RPL3: variants seen among roughly 807,000 people sequenced by gnomAD.
RPL3 encodes the protein ribosomal protein L3.
Under a neutral mutation model 46.0 loss-of-function variants are expected in RPL3, and 3 were observed. The observed-to-expected ratio is 0.07, with a 90% CI of 0.03 to 0.17. The LOEUF is 0.17. Among genes scored for constraint, RPL3 ranks in the 10% least tolerant of loss-of-function variants. The pLI is 1.00. For synonymous variants in RPL3, 224 were observed against 190.8 expected, an observed-to-expected ratio of 1.17 and a Z score of -1.43; for missense variants, 387 against 532.7, an observed-to-expected ratio of 0.73 and a Z score of 2.69.
rs1305900113 is a variant in RPL3 at position 39,314,217 on chromosome 22, A to C, written c.850-9T>G. 6.2e-7 allele frequency: 1 copy of C among 1,611,916 alleles called. No homozygotes were observed. Among genetic ancestry groups the C allele is most frequent in the African/African-American group, 1.3e-5 (1 of 74,844 alleles). ...TGGCCAATCTTATAAATCTGAATGA[A>C]CAAGAAGGGTGTAAGGCTGGGGCAT... On this transcript the variant is annotated splice_polypyrimidine_tract_variant and intron_variant, in intron 6 of 9. Transcript: ENST00000216146.
At position 39,317,834 on chromosome 22, in the gene RPL3, A is replaced by G. The variant is rs558026951; in HGVS notation, c.197-205T>C. On this transcript the variant is annotated intron_variant, in intron 2 of 9. Coordinates refer to ENST00000216146, the MANE Select transcript of RPL3 (RefSeq NM_000967.4). ...CAAACAAAAAATATCAGGACCCTAG[A>G]CAGCCAAATACCTGTCCAGCTTCAA... The G allele has an allele frequency of 8.9e-5, 50 of 561,980 alleles. No homozygotes were observed. In the East Asian group the frequency reaches 1.3e-3, roughly 14 times the overall value. The allele number at this position is 561,980 out of a possible 1,614,324, so 34.8% of individuals were successfully genotyped here. A position where few individuals can be genotyped will look rare whatever the true frequency, so the allele number is the denominator to read the frequency against.
chr22:39,317,905 T>C (rs1274733524), intron 2 of RPL3: 1 of 458,434 alleles, frequency 2.2e-6, no homozygotes, highest in Non-Finnish European at 3.9e-6. Context: ...TTGCTATTTA[T>C]CTGGAAAATT....
In RPL3 at chr22:39,313,300, A is replaced by G; in HGVS notation, c.1058T>C (p.Val353Ala). 2 of 1,613,970 alleles carry G rather than the reference A, an allele frequency of 1.2e-6. No individual in the cohort carries two copies. Among genetic ancestry groups the G allele is most frequent in the Non-Finnish European group, 1.7e-6 (2 of 1,179,950 alleles). ...RVLTLRKSLL[V>A]QTKRRALEKI... ...CTCCAGAGCCCGCCGCTTCGTCTGC[A>G]CCAGCAAGGACTATGGGCCAAGAGG... is the stretch of plus-strand genomic sequence containing the variant. The change falls in exon 9 of 10, where the codon GTG becomes GCG. Residue 353 changes from valine to alanine, a missense_variant. Around this residue, in one of 5 missense-constraint regions of RPL3, gnomAD observed 131 missense variants for 185.1 expected, o/e 0.71. Coordinates refer to ENST00000216146, the MANE Select transcript of RPL3 (RefSeq NM_000967.4).
chr22:39,315,764 T>C (rs934455127), intron 4 of RPL3, among the ~76,000 whole-genome samples: 1 of 152,160 alleles, frequency 6.6e-6, no homozygotes, highest in East Asian at 1.9e-4. Context: ...TGAGTTACTG[T>C]CAGGATGAGC....
In RPL3 at chr22:39,314,197, A is replaced by T; in HGVS notation, c.861T>A (p.Ile287=). ...CGTCCTTGATAAGGTAGCCCTGGCC[A>T]ATCTTATAAATCTGAATGAACAAGA... is the stretch of plus-strand genomic sequence containing the variant. ...RTEINKKIYK[I]GQGYLIKDGK... Residue 287 remains isoleucine, a synonymous_variant, in exon 7 of 10, where the codon ATT becomes ATA. Coordinates refer to ENST00000216146, the MANE Select transcript of RPL3 (RefSeq NM_000967.4). 3 of 1,613,804 alleles carry T rather than the reference A, an allele frequency of 1.9e-6. No individual in the cohort carries two copies. The highest frequency in any genetic ancestry group is 1.7e-6 in the Non-Finnish European group (2 of 1,179,756).
chr22:39,316,808 G>A lies in RPL3; in HGVS notation c.399C>T (p.Tyr133=), dbSNP rs1387368566. Residue 133 remains tyrosine (Y), a synonymous_variant, in exon 4 of 10, where the codon TAC becomes TAT. Transcript: ENST00000216146. ...CATCCTCATCCTGCCATTTCTTGCA[G>A]TACTTGGTAAAGGCCTTCTTCTTAG... The part of the protein sequence containing the change: ...HKSKKKAFTK[Y]CKKWQDEDGK... 3 of 1,614,106 alleles carry A rather than the reference G, an allele frequency of 1.9e-6. No individual in the cohort carries two copies. Among genetic ancestry groups the A allele is most frequent in the South Asian group, 1.1e-5 (1 of 91,086 alleles).
At chr22:39,318,635 G>A (rs763047594) in intron 1 of RPL3, 43 bp from the exon 2 acceptor site, 1 of 1,513,994 alleles carries the variant, frequency 6.6e-7, no homozygotes, top group Non-Finnish European at 8.9e-7. Flanking sequence ...AACCAAAGCA[G>A]TGCCCCCTTC....
At position 39,318,135 on chromosome 22, in the gene RPL3, C is replaced by T. The variant is rs1922817785; in HGVS notation, c.196+265G>A. The T allele has an allele frequency of 1.1e-5, 5 of 460,418 alleles. No individual in the cohort carries two copies. The East Asian group carries it at 2.1e-4, about 19-fold the overall frequency. The allele number at this position is 460,418 out of a possible 1,614,324, so 28.5% of individuals were successfully genotyped here. A position where few individuals can be genotyped will look rare whatever the true frequency, so the allele number is the denominator to read the frequency against. ...ACCCCCCACACTAGTGTTAACTTCT[C>T]TTTGCTAAGGTTCCTGGCAAATTTA... On this transcript the variant is annotated intron_variant, in intron 2 of 9. Coordinates refer to ENST00000216146, the MANE Select transcript of RPL3 (RefSeq NM_000967.4).
chr22:39,318,637 GC>G, intron 1 of RPL3, 45 bp from the exon 2 acceptor site: 2 of 1,499,726 alleles, frequency 1.3e-6, no homozygotes, highest in Non-Finnish European at 1.8e-6. Flanking sequence ...CCAAAGCAGT[GC>G]CCCCTTCTCT....
rs756732195 is a variant in RPL3 at position 39,314,173 on chromosome 22, G to A, written c.885C>T (p.Asp295=). The change falls in exon 7 of 10, where the codon GAC becomes GAT. Residue 295 remains aspartate, a synonymous_variant. Coordinates refer to ENST00000216146, the MANE Select transcript of RPL3 (RefSeq NM_000967.4). ...YKIGQGYLIK[D]GKLIKNNAST... The stretch of plus-strand genomic sequence containing the variant: ...AGGCATTGTTCTTGATCAGCTTGCC[G>A]TCCTTGATAAGGTAGCCCTGGCCAA... 205 of 1,613,644 alleles carry A rather than the reference G, an allele frequency of 1.3e-4. No homozygotes were observed. The highest frequency in any genetic ancestry group is 1.7e-4 in the Middle Eastern group (1 of 5,770).
chr22:39,317,726 G>GC, intron 2 of RPL3, 97 bp from the exon 3 acceptor site: 1 of 1,409,576 alleles, frequency 7.1e-7, no homozygotes, highest in Non-Finnish European at 9.8e-7. Flanking sequence ...GGCCGGAAGG[G>GC]CAACTGGGCC....
chr22:39,318,370 TCCC>T (rs769974427), intron 2 of RPL3, 27 bp downstream of exon 2: 9 of 1,603,534 alleles, frequency 5.6e-6, no homozygotes, highest in African/African-American at 1.3e-5. Context: ...CCACTCCTAT[TCCC>T]CCAACTTTTA....
At position 39,314,809 on chromosome 22, in the gene RPL3, G is replaced by A; in HGVS notation, c.726C>T (p.Arg242=). 6.2e-7 allele frequency: 1 copy of A among 1,613,832 alleles called. No homozygotes were observed. Among genetic ancestry groups the A allele is most frequent in the East Asian group, 2.2e-5 (1 of 44,870 alleles). ...CCTTGCGCAGGCCTCGGTGGGTCTT[G>A]CGGGGCAGCTTCTTGGTGTGCCAAC... ...TSRWHTKKLP[R]KTHRGLRKVA... The change falls in exon 6 of 10, where the codon CGC becomes CGT. Residue 242 remains arginine, a synonymous_variant. Transcript: ENST00000216146.
Position 39,319,559 on chromosome 22 carries a change from C to T in RPL3, c.3+36G>A, listed in dbSNP as rs1182806734. ...GTCGCGGATTCAGCCGTGCCGACGC[C>T]GGTGACAATGAAACGGCCGCCATTA... On this transcript the variant is annotated intron_variant, in intron 1 of 9. Coordinates refer to ENST00000216146, the MANE Select transcript of RPL3 (RefSeq NM_000967.4). 2.6e-6 allele frequency: 4 copies of T among 1,561,196 alleles called. No individual in the cohort carries two copies. The East Asian group carries it at 9.6e-5, about 37-fold the overall frequency.
rs752857192 is a variant in RPL3 at position 39,319,611 on chromosome 22, C to A, written c.-14G>T. 2 of 1,554,964 alleles carry A rather than the reference C, an allele frequency of 1.3e-6. No homozygotes were observed. The highest frequency in any genetic ancestry group is 1.9e-5 in the Admixed American group (1 of 53,618). On this transcript the variant is annotated 5_prime_UTR_variant, in exon 1 of 10. Coordinates refer to ENST00000216146, the MANE Select transcript of RPL3 (RefSeq NM_000967.4). Reference sequence around the variant, plus strand: ...AACACATACCATCACGCCATCAAATCCCGCCGGTAGAGGCCGGTCGGCCTT... The same window carrying A: ...AACACATACCATCACGCCATCAAATACCGCCGGTAGAGGCCGGTCGGCCTT...
chr22:39,317,958 T>A (rs1417205135), intron 2 of RPL3: 1 of 374,524 alleles, frequency 2.7e-6, no homozygotes, highest in African/African-American at 2.0e-5. Flanking sequence ...TTAGTCAGTA[T>A]CAACTGCCTA....
At chr22:39,319,194 C>A in intron 1 of RPL3, 1 of 545,972 alleles carries the variant, frequency 1.8e-6, no homozygotes, top group Admixed American at 2.0e-5. Context: ...TCCCCTCCCC[C>A]AAGCTTCTTT....
chr22:39,317,389 C>G (rs1922767258), intron 3 of RPL3, 72 bp downstream of exon 3: 2 of 1,525,256 alleles, frequency 1.3e-6, no homozygotes, highest in Non-Finnish European at 1.8e-6. Flanking sequence ...GCTGAGAAAC[C>G]ATGCACACGC....
At chr22:39,316,894 C>T (rs1569161222) in intron 3 of RPL3, 53 bp from the exon 4 acceptor site, 1 of 1,612,834 alleles carries the variant, frequency 6.2e-7, no homozygotes, top group Non-Finnish European at 8.5e-7. Context: ...CCTTCATCAC[C>T]CCTCCGAGGG....
Sources: allele counts gnomAD v4.1 joint callset (sites outside exome capture counted in the v4.1 genomes callset), GRCh38; gene constraint gnomAD v4.1.1; regional missense constraint gnomAD v4.1.1; transcripts MANE v1.5; gene names NCBI Gene and HGNC (gene_info 2026-07-23, HGNC 2026-07-21).